S100Z: variants seen among roughly 807,000 people sequenced by gnomAD.
The protein encoded by S100Z is S100 calcium binding protein Z.
S100Z carries 11 observed loss-of-function variants against 8.5 expected under a neutral mutation model. The ratio of observed to expected loss-of-function variants is 1.30; its 90% CI spans 0.82 to 2.15. S100Z has a LOEUF of 2.15. S100Z is among the 30% of genes most tolerant of loss of function. The pLI is 0.00. For missense variants in S100Z, 126 were observed against 117.9 expected (o/e 1.07, Z -0.32); for synonymous variants, 34 against 43.8 (o/e 0.78, Z 0.89).
intron 4 of S100Z, among the ~76,000 whole-genome samples, chr5:76,908,435 G>A (rs1744533493): frequency 6.6e-6 from 1 of 152,126 alleles, no homozygotes; most frequent in African/African-American, 2.4e-5. Context: ...CTTCTCTGAG[G>A]CTAGTCACGC....
rs569462032 is a variant in S100Z at position 76,862,965 on chromosome 5, T to C, written c.-175-7201T>C. The stretch of plus-strand genomic sequence containing the variant: ...TGTTGTTTTGTCTTTCGTTGCTTCT[T>C]TTTTGCTTTGTTTCTGTGTTTTGTT... On this transcript the variant is annotated intron_variant, in intron 1 of 4. Coordinates refer to ENST00000317593, the MANE Select transcript of S100Z (RefSeq NM_130772.4). Among the ~76,000 whole-genome samples, 5 of 152,330 alleles carry C rather than the reference T, an allele frequency of 3.3e-5. No homozygotes were observed. In the East Asian group the frequency reaches 9.6e-4, roughly 29 times the overall value.
intron 4 of S100Z, among the ~76,000 whole-genome samples, chr5:76,896,853 T>C (rs575921862): frequency 9.8e-5 from 15 of 152,348 alleles, no homozygotes; most frequent in Middle Eastern, 6.8e-3. Context: ...AATGTCTATT[T>C]AAATCTTTTG....
At chr5:76,881,822 C>G (rs760276877) in intron 4 of S100Z, among the ~76,000 whole-genome samples, 1 of 152,190 alleles carries the variant, frequency 6.6e-6, no homozygotes, top group Non-Finnish European at 1.5e-5. Flanking sequence ...TTTTAGCTAC[C>G]TTGTCAGCAT....
At chr5:76,851,621 G>C (rs1421709617) in intron 1 of S100Z, among the ~76,000 whole-genome samples, 1 of 152,118 alleles carries the variant, frequency 6.6e-6, no homozygotes, top group Non-Finnish European at 1.5e-5. Context: ...GATCCCCTCT[G>C]GGGTAGAGGA....
intron 4 of S100Z, among the ~76,000 whole-genome samples, chr5:76,920,193 G>A (rs1043721787): frequency 1.3e-5 from 2 of 152,176 alleles, no homozygotes; most frequent in South Asian, 4.1e-4. Context: ...ACAGGCATGA[G>A]CCACCACGCC....
chr5:76,894,266 T>C (rs747666374), intron 4 of S100Z, among the ~76,000 whole-genome samples: 14 of 152,216 alleles, frequency 9.2e-5, no homozygotes, highest in Non-Finnish European at 7.3e-5. Context: ...CAGAAAATGT[T>C]AAAATTTACG....
At chr5:76,851,923 C>T (rs764211365) in intron 1 of S100Z, among the ~76,000 whole-genome samples, 4 of 152,176 alleles carry the variant, frequency 2.6e-5, no homozygotes, top group Admixed American at 6.5e-5. Context: ...GGCCAGCATT[C>T]GCTGAATTTC....
At chr5:76,945,542 G>A in the S100Z span, among the ~76,000 whole-genome samples, 16 of 152,352 alleles carry the variant, frequency 1.1e-4, no homozygotes, top group South Asian at 2.1e-4. Context: ...GGCGGGAGGC[G>A]AGACATGTTG....
downstream of S100Z, among the ~76,000 whole-genome samples, chr5:76,926,339 T>C (rs529805868): frequency 2.6e-5 from 4 of 152,314 alleles, no homozygotes; most frequent in South Asian, 6.2e-4. Flanking sequence ...CAGGAAGATG[T>C]ACTTTTATGT....
intron 4 of S100Z, among the ~76,000 whole-genome samples, chr5:76,885,164 T>G (rs1743556537): frequency 1.3e-5 from 2 of 152,170 alleles, no homozygotes; most frequent in Admixed American, 6.5e-5. Context: ...AGGCGAGAGT[T>G]GAAGAGGTTT....
intron 2 of S100Z, among the ~76,000 whole-genome samples, chr5:76,870,499 C>T (rs1742970489): frequency 1.3e-5 from 2 of 152,170 alleles, no homozygotes; most frequent in Admixed American, 1.3e-4. Flanking sequence ...CTTGCTGGAG[C>T]AGTCTCACAG....
At chr5:76,879,251 A>ACCC (rs1743305437) in intron 4 of S100Z, among the ~76,000 whole-genome samples, 1 of 151,988 alleles carries the variant, frequency 6.6e-6, no homozygotes, top group South Asian at 2.1e-4. Context: ...AACTATGAGG[A>ACCC]CCGTGGAGAA....
At chr5:76,922,634 C>T (rs1745068214), downstream of S100Z, among the ~76,000 whole-genome samples, 1 of 152,190 alleles carries the variant, frequency 6.6e-6, no homozygotes, top group Non-Finnish European at 1.5e-5. Flanking sequence ...TGCCATTCTC[C>T]TGCCTCAGCC....
In S100Z at chr5:76,865,203, G is replaced by T. The variant is rs971558958; in HGVS notation, c.-175-4963G>T. On this transcript the variant is annotated intron_variant, in intron 1 of 4. Coordinates refer to ENST00000317593, the MANE Select transcript of S100Z (RefSeq NM_130772.4). ...ACAGCAATGATGATTCTGACCCTGT[G>T]TAGGCCTAGGCTAATGTGTGTGTTT... Among the ~76,000 whole-genome samples the T allele has an allele frequency of 4.0e-5, 6 of 150,562 alleles. No homozygotes were observed. In the East Asian group the frequency reaches 9.8e-4, roughly 25 times the overall value.
At chr5:76,950,855 T>A in the S100Z span, among the ~76,000 whole-genome samples, 1 of 152,230 alleles carries the variant, frequency 6.6e-6, no homozygotes, top group African/African-American at 2.4e-5. Context: ...GGCCTACTTA[T>A]TGCCCAGAAA....
At chr5:76,911,409 G>C (rs189002428) in intron 4 of S100Z, among the ~76,000 whole-genome samples, 1 of 152,064 alleles carries the variant, frequency 6.6e-6, no homozygotes, top group African/African-American at 2.4e-5. Context: ...GAAGCAGAAT[G>C]GTTCACTGTT....
At chr5:76,930,035 C>T in the S100Z span, among the ~76,000 whole-genome samples, 1 of 152,230 alleles carries the variant, frequency 6.6e-6, no homozygotes, top group South Asian at 2.1e-4. Context: ...TCTACTGTTG[C>T]AGCTGCTGGT....
chr5:76,914,544 C>CTTCGCA (rs1272735663), intron 4 of S100Z, among the ~76,000 whole-genome samples: 1 of 152,124 alleles, frequency 6.6e-6, no homozygotes, highest in Non-Finnish European at 1.5e-5. Flanking sequence ...TTCTTTCACT[C>CTTCGCA]TTCGCAATAA....
At chr5:76,907,259 A>G (rs940403384) in intron 4 of S100Z, among the ~76,000 whole-genome samples, 3 of 151,774 alleles carry the variant, frequency 2.0e-5, no homozygotes, top group Non-Finnish European at 2.9e-5. Flanking sequence ...CTATATGTCT[A>G]TCCTTTCCTG....
Sources: allele counts gnomAD v4.1 joint callset (sites outside exome capture counted in the v4.1 genomes callset), GRCh38; gene constraint gnomAD v4.1.1; transcripts MANE v1.5; gene names NCBI Gene and HGNC (gene_info 2026-07-23, HGNC 2026-07-21).